The following GTF2H1 variants were observed in gnomAD, a reference collection of about 807,000 sequenced individuals.
GTF2H1 encodes general transcription factor IIH subunit 1, also known as BTF2 p62.
Under a neutral mutation model 71.2 loss-of-function variants are expected in GTF2H1, and 16 were observed. The ratio of observed to expected loss-of-function variants is 0.22; its 90% CI spans 0.15 to 0.34. The LOEUF (loss-of-function observed/expected upper bound fraction) is 0.34, where lower values mean the gene tolerates loss of function less well. GTF2H1 is among the 10% of genes least tolerant of loss of function. GTF2H1 has a pLI of 1.00. For missense variants in GTF2H1, 498 were observed against 648.2 expected, an observed-to-expected ratio of 0.77 and a Z score of 2.52; for synonymous variants, 215 against 219.0, an observed-to-expected ratio of 0.98 and a Z score of 0.16.
intron 11 of GTF2H1, among the ~76,000 whole-genome samples, chr11:18,356,588 G>T (rs1273904090): frequency 6.6e-6 from 1 of 152,004 alleles, no homozygotes; most frequent in Non-Finnish European, 1.5e-5. Context: ...CTTGGGGGTG[G>T]TGGTGTTTGT....
intron 14 of GTF2H1, among the ~76,000 whole-genome samples, chr11:18,364,926 T>G (rs561537693): frequency 1.3e-5 from 2 of 152,228 alleles, no homozygotes; most frequent in South Asian, 4.1e-4. Flanking sequence ...TTTTCCAGTG[T>G]TCTGCCAAGA....
At chr11:18,351,829 T>C in intron 9 of GTF2H1, 52 bp from the exon 10 acceptor site, 1 of 956,088 alleles carries the variant, frequency 1.0e-6, no homozygotes, top group Non-Finnish European at 1.7e-6. Flanking sequence ...TCATGTTTAT[T>C]GTGTAAGAGA....
intron 1 of GTF2H1, chr11:18,326,124 A>C (rs1420399226): frequency 6.6e-6 from 1 of 152,262 alleles, no homozygotes; most frequent in Non-Finnish European, 1.5e-5. Context: ...ATTAGCTGTG[A>C]GACAATTGAC....
chr11:18,336,865 C>T (rs1865041116), intron 3 of GTF2H1, among the ~76,000 whole-genome samples: 1 of 151,984 alleles, frequency 6.6e-6, no homozygotes, highest in Non-Finnish European at 1.5e-5. Context: ...AGCAGTTCTC[C>T]TGCCTCAGCC....
intron 7 of GTF2H1, among the ~76,000 whole-genome samples, chr11:18,346,454 A>G (rs773348034): frequency 6.6e-6 from 1 of 152,086 alleles, no homozygotes; most frequent in Non-Finnish European, 1.5e-5. Context: ...CTCCAGTAGG[A>G]TTGATTAGTA....
At chr11:18,343,153 C>T (rs1216350801) in intron 7 of GTF2H1, among the ~76,000 whole-genome samples, 1 of 152,172 alleles carries the variant, frequency 6.6e-6, no homozygotes, top group Non-Finnish European at 1.5e-5. Flanking sequence ...AACTCCTGAC[C>T]TCAGGTGGTC....
chr11:18,357,873 A>T (rs1377955225), intron 11 of GTF2H1, 79 bp from the exon 12 acceptor site: 2 of 813,674 alleles, frequency 2.5e-6, no homozygotes, highest in Non-Finnish European at 4.3e-6. Context: ...CTGCTCTAAA[A>T]CTAAAATGTT....
chr11:18,353,709 CAA>C (rs1277035082), intron 11 of GTF2H1, among the ~76,000 whole-genome samples: 1 of 152,164 alleles, frequency 6.6e-6, no homozygotes, highest in East Asian at 1.9e-4. Flanking sequence ...TATCACACAT[CAA>C]GACTTACTTT....
At chr11:18,355,137 A>ATT (rs1056864076) in intron 11 of GTF2H1, among the ~76,000 whole-genome samples, 1 of 134,028 alleles carries the variant, frequency 7.5e-6, no homozygotes, top group Admixed American at 7.5e-5. Flanking sequence ...ATTTTTCTTT[A>ATT]TTTTTTTTTT....
intron 1 of GTF2H1, among the ~76,000 whole-genome samples, chr11:18,324,678 CCTTT>C (rs749446683): frequency 6.2e-4 from 95 of 152,330 alleles, no homozygotes; most frequent in Non-Finnish European, 1.1e-3. Context: ...TTGTGCCCTT[CCTTT>C]CTCTTTCCTG....
intron 10 of GTF2H1, 97 bp downstream of exon 10, chr11:18,352,066 C>T: frequency 4.2e-6 from 3 of 706,290 alleles, no homozygotes; most frequent in Admixed American, 2.4e-5. Context: ...AGTTCGTCAC[C>T]ATCAAAGTAC....
At chr11:18,344,777 A>G (rs541550174) in intron 7 of GTF2H1, among the ~76,000 whole-genome samples, 119 of 152,138 alleles carry the variant, frequency 7.8e-4, no homozygotes, top group African/African-American at 2.7e-3. Flanking sequence ...GGCCACTTCT[A>G]CTCATTCATG....
chr11:18,341,682 A>G (rs1200321992), intron 7 of GTF2H1, 75 bp downstream of exon 7: 36 of 863,166 alleles, frequency 4.2e-5, no homozygotes, highest in Non-Finnish European at 4.6e-5. Context: ...AGCGTAGTAG[A>G]CCTATTCCAC....
chr11:18,323,289 A>G (rs1229540703), intron 1 of GTF2H1, among the ~76,000 whole-genome samples: 3 of 151,864 alleles, frequency 2.0e-5, no homozygotes, highest in African/African-American at 7.3e-5. Flanking sequence ...TTAAATAAGG[A>G]GGTGACTTTT....
At chr11:18,329,713 C>T (rs1864850053) in intron 1 of GTF2H1, among the ~76,000 whole-genome samples, 1 of 152,224 alleles carries the variant, frequency 6.6e-6, no homozygotes, top group South Asian at 2.1e-4. Context: ...TTTCAGTCCA[C>T]TGCCCCAAAC....
intron 14 of GTF2H1, among the ~76,000 whole-genome samples, chr11:18,364,208 C>T (rs925050685): frequency 1.3e-5 from 2 of 152,146 alleles, no homozygotes; most frequent in African/African-American, 4.8e-5. Flanking sequence ...CCAGACAGAG[C>T]TAAATATTAC....
chr11:18,355,137 AT>A (rs1056864076), intron 11 of GTF2H1, among the ~76,000 whole-genome samples: 10 of 134,118 alleles, frequency 7.5e-5, no homozygotes, highest in South Asian at 2.4e-4. Flanking sequence ...ATTTTTCTTT[AT>A]TTTTTTTTTA....
chr11:18,339,048 CCTTAT>C (rs1269486427), intron 4 of GTF2H1, among the ~76,000 whole-genome samples: 11 of 151,952 alleles, frequency 7.2e-5, no homozygotes, highest in African/African-American at 2.7e-4. Flanking sequence ...ATTGGGAATA[CCTTAT>C]CTGTGGAATT....
intron 7 of GTF2H1, chr11:18,341,809 T>C (rs1373471645): frequency 6.7e-6 from 3 of 446,064 alleles, no homozygotes; most frequent in Non-Finnish European, 1.2e-5. Flanking sequence ...CCTGTGTGAG[T>C]TGCTAAAACC....
Sources: gnomAD v4.1 joint callset for allele counts (sites outside exome capture counted in the v4.1 genomes callset) on GRCh38, gnomAD v4.1.1 for gene constraint, MANE v1.5 for transcripts, NCBI Gene and HGNC (gene_info 2026-07-23, HGNC 2026-07-21) for gene names.